The following FRMD4A variants were observed in gnomAD, a reference collection of about 807,000 sequenced individuals.
FRMD4A encodes FERM domain containing 4A.
In FRMD4A, 29 loss-of-function variants were observed where a neutral mutation model predicts 129.1. The observed-to-expected ratio is 0.22, with a 90% CI of 0.17 to 0.31. The LOEUF is 0.31. FRMD4A is among the 10% of genes least tolerant of loss of function. The probability of loss-of-function intolerance (pLI) is 1.00; values close to 1 mark genes in which losing one functional copy is unlikely to be tolerated. For synonymous variants in FRMD4A, 634 were observed against 571.6 expected (o/e 1.11, Z -1.56); for missense variants, 1,272 against 1,375.8 (o/e 0.92, Z 1.19).
At chr10:13,714,516 C>T (rs182818513) in intron 12 of FRMD4A, among the ~76,000 whole-genome samples, 37 of 152,068 alleles carry the variant, frequency 2.4e-4, no homozygotes, top group Non-Finnish European at 4.4e-5. Context: ...CATTCCCTTT[C>T]CAACCATTCA....
intron 2 of FRMD4A, among the ~76,000 whole-genome samples, chr10:14,058,602 A>G (rs1010549474): frequency 6.6e-6 from 1 of 152,190 alleles, no homozygotes; most frequent in Non-Finnish European, 1.5e-5. Flanking sequence ...TTGACTGGGA[A>G]CCTGATCTAG....
intron 2 of FRMD4A, among the ~76,000 whole-genome samples, chr10:13,891,141 C>G (rs1589181931): frequency 6.6e-6 from 1 of 152,164 alleles, no homozygotes; most frequent in Non-Finnish European, 1.5e-5. Flanking sequence ...CGTCCGTTTT[C>G]TCTGCATCAA....
intron 2 of FRMD4A, among the ~76,000 whole-genome samples, chr10:14,162,743 G>T (rs78023290): frequency 6.7e-6 from 1 of 148,460 alleles, no homozygotes; most frequent in Admixed American, 6.9e-5. Flanking sequence ...TTCGTTAGCT[G>T]GTTGCTGCAG....
At chr10:14,147,155 C>A (rs996355452) in intron 2 of FRMD4A, among the ~76,000 whole-genome samples, 4 of 152,158 alleles carry the variant, frequency 2.6e-5, no homozygotes, top group African/African-American at 9.7e-5. Context: ...ACACATTTTC[C>A]TTTTCTTATG....
chr10:14,034,329 G>T (rs1833397609), intron 2 of FRMD4A, among the ~76,000 whole-genome samples: 1 of 152,186 alleles, frequency 6.6e-6, no homozygotes, highest in Admixed American at 6.5e-5. Flanking sequence ...GGTTCCGAGT[G>T]ATGAGAATCC....
rs572650834 is a variant in FRMD4A, at chr10:13,701,451, C to T, written c.864G>A (p.Gly288=). 33 of 1,613,828 alleles carry T rather than the reference C, an allele frequency of 2.0e-5. No individual in the cohort carries two copies. In the South Asian group the frequency reaches 3.3e-4, roughly 16 times the overall value. Reference sequence around the variant, plus strand: ...ACGTGTGCACTGCAATGCCGCTGTGCCCAAACGTCCTCCTTGTCACTGAAG... The same window carrying T: ...ACGTGTGCACTGCAATGCCGCTGTGTCCAAACGTCCTCCTTGTCACTGAAG... ...RRASVTRRTF[G]HSGIAVHTWY... is the part of the protein sequence containing the mutation. Residue 288 remains glycine (G), a synonymous_variant, in exon 14 of 25, where the codon GGG becomes GGA. Coordinates refer to ENST00000357447, the MANE Select transcript of FRMD4A (RefSeq NM_018027.5).
At chr10:13,799,768 C>T (rs11258624) in intron 4 of FRMD4A, among the ~76,000 whole-genome samples, 12,876 of 152,152 alleles carry the variant, frequency 0.085, 679 homozygotes, top group African/African-American at 0.14. Context: ...GTCTTACTTT[C>T]AGTGAAGTCT....
intron 2 of FRMD4A, among the ~76,000 whole-genome samples, chr10:14,057,115 A>G (rs1021482869): frequency 7.2e-5 from 11 of 152,240 alleles, no homozygotes; most frequent in Non-Finnish European, 1.6e-4. Flanking sequence ...ATGAGGCCTC[A>G]AAGGGTTTTG....
chr10:13,688,849 C>G (rs964517521), intron 15 of FRMD4A, among the ~76,000 whole-genome samples: 3 of 152,046 alleles, frequency 2.0e-5, no homozygotes, highest in East Asian at 3.9e-4. Flanking sequence ...TCCCAAGTAT[C>G]TGGGATTATG....
At chr10:13,957,497 C>T (rs1195526287) in intron 2 of FRMD4A, among the ~76,000 whole-genome samples, 1 of 152,118 alleles carries the variant, frequency 6.6e-6, no homozygotes, top group Non-Finnish European at 1.5e-5. Context: ...TTAGGTGATC[C>T]ACCCGCCTCA....
At chr10:13,806,377 A>T (rs1322874902) in intron 4 of FRMD4A, among the ~76,000 whole-genome samples, 3 of 152,334 alleles carry the variant, frequency 2.0e-5, no homozygotes, top group African/African-American at 7.2e-5. Flanking sequence ...TCTCTAAGGG[A>T]TGGATGCCAG....
chr10:14,036,072 A>T (rs1300781958), intron 2 of FRMD4A, among the ~76,000 whole-genome samples: 1 of 151,358 alleles, frequency 6.6e-6, no homozygotes, highest in Admixed American at 6.6e-5. Flanking sequence ...TCTATAAAAG[A>T]TTCAGGAGGA....
chr10:14,089,628 A>AC (rs1554754906), intron 2 of FRMD4A, among the ~76,000 whole-genome samples: 2 of 32,580 alleles, frequency 6.1e-5, no homozygotes, highest in East Asian at 1.5e-3. Context: ...CAAAAAAAAA[A>AC]ACAAAAAAAA....
chr10:13,984,757 A>G (rs1226302749), intron 2 of FRMD4A, among the ~76,000 whole-genome samples: 2 of 152,360 alleles, frequency 1.3e-5, no homozygotes, highest in East Asian at 3.9e-4. Context: ...GAGAGACCAC[A>G]TTCATCCATC....
At chr10:13,978,541 A>G (rs2095549977) in intron 2 of FRMD4A, among the ~76,000 whole-genome samples, 1 of 152,156 alleles carries the variant, frequency 6.6e-6, no homozygotes, top group African/African-American at 2.4e-5. Context: ...TAGCACTGGT[A>G]CGGCTAACTG....
At chr10:13,684,816 C>G (rs548774764) in intron 15 of FRMD4A, 1 of 982,126 alleles carries the variant, frequency 1.0e-6, no homozygotes, top group Admixed American at 6.3e-5. Flanking sequence ...AGAAAGGAAT[C>G]GGTTGTTCTA....
chr10:13,656,105 AAGCCAGGAGC>A lies in FRMD4A; in HGVS notation c.2953+521_2953+530del, dbSNP rs571519408. Among the ~76,000 whole-genome samples, 273 of 152,324 alleles carry A rather than the reference AAGCCAGGAGC, an allele frequency of 1.8e-3. 6 individuals carry two copies. The highest frequency in any genetic ancestry group is 0.013 in the Admixed American group (201 of 15,306). On this transcript the variant is annotated intron_variant, in intron 22 of 24. Transcript: ENST00000357447. ...GCATAACATCATCATCGAAATGGGA[AAGCCAGGAGC>A]AGCCAGGAATTCTGTCAAACGCACA...
chr10:14,211,223 T>A (rs919084335), intron 2 of FRMD4A, among the ~76,000 whole-genome samples: 5 of 152,242 alleles, frequency 3.3e-5, no homozygotes, highest in Non-Finnish European at 4.4e-5. Context: ...GTATTAGCTC[T>A]ATTCTAAGCA....
chr10:13,714,947 G>A (rs2134947193), intron 12 of FRMD4A, among the ~76,000 whole-genome samples: 1 of 152,246 alleles, frequency 6.6e-6, no homozygotes, highest in South Asian at 2.1e-4. Flanking sequence ...GCTGAGGCAA[G>A]AGAATCACTT....
Sources: allele counts gnomAD v4.1 joint callset (sites outside exome capture counted in the v4.1 genomes callset), GRCh38; gene constraint gnomAD v4.1.1; transcripts MANE v1.5; gene names NCBI Gene and HGNC (gene_info 2026-07-23, HGNC 2026-07-21).